Variants in CD47 observed in about 807,000 individuals in gnomAD.
The protein encoded by CD47 is CD47 molecule.
Under a neutral mutation model 44.6 loss-of-function variants are expected in CD47, and 11 were observed. That is an observed-to-expected ratio of 0.25 (90% CI 0.16 to 0.41). The LOEUF (loss-of-function observed/expected upper bound fraction) is 0.41, where lower values mean the gene tolerates loss of function less well. Ranked by LOEUF, CD47 falls within the 10% of genes least tolerant of loss-of-function variation. The pLI, the probability that CD47 is intolerant of heterozygous loss-of-function variation, is 1.00. For missense variants in CD47, 306 were observed against 386.7 expected (o/e 0.79, Z 1.75); for synonymous variants, 140 against 136.3 (o/e 1.03, Z -0.19).
At chr3:108,065,179 T>C (rs1239269048) in intron 3 of CD47, among the ~76,000 whole-genome samples, 1 of 152,232 alleles carries the variant, frequency 6.6e-6, no homozygotes, top group Non-Finnish European at 1.5e-5. Context: ...CATCAGTCTA[T>C]AGGACAGAGA....
At position 108,058,400 on chromosome 3, in the gene CD47, T is replaced by G; in HGVS notation, c.721A>C (p.Ile241Leu). ...TAGGCTATCACCTGAATAACCAATA[T>G]GGCAATGACGAAGGAGGTTAATCCA... ...AIGLTSFVIAILVIQVIAYIL... is the reference protein window; with the variant it reads ...AIGLTSFVIALLVIQVIAYIL... Residue 241 changes from isoleucine (I) to leucine (L), a missense_variant, in exon 6 of 11, where the codon ATA becomes CTA. Around this residue, in one of 5 missense-constraint regions of CD47, gnomAD observed 131 missense variants for 135.3 expected, o/e 0.97. Coordinates refer to ENST00000361309, the MANE Select transcript of CD47 (RefSeq NM_001777.4). 2 of 1,567,352 alleles carry G rather than the reference T, an allele frequency of 1.3e-6. No individual in the cohort carries two copies. Among genetic ancestry groups the G allele is most frequent in the Non-Finnish European group, 1.7e-6 (2 of 1,154,138 alleles).
intron 1 of CD47, among the ~76,000 whole-genome samples, chr3:108,081,705 G>A (rs1352681357): frequency 6.6e-6 from 1 of 151,858 alleles, no homozygotes; most frequent in Non-Finnish European, 1.5e-5. Context: ...AACAAACACC[G>A]GGCTACTTCA....
chr3:108,055,484 G>A (rs1463115104), intron 7 of CD47: 1 of 1,159,330 alleles, frequency 8.6e-7, no homozygotes, highest in Non-Finnish European at 1.2e-6. Flanking sequence ...GTTCCTCCTA[G>A]TCTACCATGT....
chr3:108,072,063 A>G (rs1451820107), intron 2 of CD47, among the ~76,000 whole-genome samples: 1 of 152,252 alleles, frequency 6.6e-6, no homozygotes. Flanking sequence ...AAGACTTCAA[A>G]TAAGATTTGT....
chr3:108,090,840 G>T, intron 1 of CD47, 23 bp downstream of exon 1: 2 of 1,484,330 alleles, frequency 1.3e-6, no homozygotes, highest in East Asian at 2.9e-5. Flanking sequence ...CAGCCGCAGG[G>T]CTGGGAGCGA....
intron 2 of CD47, 88 bp downstream of exon 2, chr3:108,079,903 G>T: frequency 4.0e-6 from 3 of 744,564 alleles, no homozygotes; most frequent in Non-Finnish European, 6.9e-6. Context: ...TGATTCAAAG[G>T]AGTACCTATC....
intron 8 of CD47, among the ~76,000 whole-genome samples, chr3:108,051,488 G>A (rs1004917737): frequency 6.6e-5 from 10 of 152,106 alleles, no homozygotes; most frequent in African/African-American, 1.9e-4. Flanking sequence ...TCATAACTCC[G>A]AACAGATGTT....
chr3:108,071,147 C>T lies in CD47; in HGVS notation c.436G>A (p.Val146Ile), dbSNP rs755372883. ...AGTATAGCAAAAATTGGGAAAATAA[C>T]AATAAGAATATTTTCATTTGGAGAA... Reference protein sequence around the residue: ...WFSPNENILIVIFPIFAILLF... With the variant: ...WFSPNENILIIIFPIFAILLF... Residue 146 changes from valine to isoleucine, a missense_variant, in exon 3 of 11, where the codon GTT becomes ATT. By Grantham distance (29) the Val-to-Ile change is conservative (BLOSUM62 3). This residue lies in a region of CD47 where 65 missense variants were observed against 119.9 expected (regional missense o/e 0.54). Coordinates refer to ENST00000361309, the MANE Select transcript of CD47 (RefSeq NM_001777.4). 8.6e-6 allele frequency: 13 copies of T among 1,503,700 alleles called. No individual in the cohort carries two copies. The highest frequency in any genetic ancestry group is 1.2e-5 in the Non-Finnish European group (13 of 1,098,308). The allele number at this position is 1,503,700 out of a possible 1,614,324, so 93.1% of individuals were successfully genotyped here.
chr3:108,090,938 CG>C lies in CD47; in HGVS notation c.-31del. The stretch of plus-strand genomic sequence containing the variant: ...GCGCCCGCCGCGGGGTCGCCGCCGC[CG>C]CCGCAGGTGTCCGGAGCAGCAGCCG... On this transcript the variant is annotated 5_prime_UTR_variant, in exon 1 of 11. Transcript: ENST00000361309. 1 of 1,453,594 alleles carries C rather than the reference CG, an allele frequency of 6.9e-7. No individual in the cohort carries two copies. The highest frequency in any genetic ancestry group is 9.1e-7 in the Non-Finnish European group (1 of 1,102,226). The allele number at this position is 1,453,594 out of a possible 1,614,324, so 90.0% of individuals were successfully genotyped here.
At chr3:108,070,135 T>C (rs1218070009) in intron 3 of CD47, among the ~76,000 whole-genome samples, 1 of 152,150 alleles carries the variant, frequency 6.6e-6, no homozygotes, top group Non-Finnish European at 1.5e-5. Flanking sequence ...TACACCACCA[T>C]AGATATAGAC....
In CD47 at chr3:108,068,389, C is replaced by G. The variant is rs371877373; in HGVS notation, c.490+2704G>C. The stretch of plus-strand genomic sequence containing the variant: ...TCACACCCACATTTCAGGCATGTAG[C>G]TTGGTGTCCAGCAATCAGTAGGCAC... On this transcript the variant is annotated intron_variant, in intron 3 of 10. Coordinates refer to ENST00000361309, the MANE Select transcript of CD47 (RefSeq NM_001777.4). 6.7e-4 allele frequency among the ~76,000 whole-genome samples: 102 copies of G among 152,222 alleles called. No individual in the cohort carries two copies. The South Asian group carries it at 0.02, about 31-fold the overall frequency.
Position 108,080,160 on chromosome 3 carries a change from G to T in CD47, c.231C>A (p.Val77=), listed in dbSNP as rs988785693. The T allele has an allele frequency of 2.0e-5, 32 of 1,613,020 alleles. No homozygotes were observed. The highest frequency in any genetic ancestry group is 2.7e-5 in the Non-Finnish European group (32 of 1,179,268). Residue 77 remains valine (V), a synonymous_variant, in exon 2 of 11, where the codon GTC becomes GTA. Transcript: ENST00000361309. ...TTTTTGCACTACTAAAGTCAGTGGG[G>T]ACAGTGGACTTGTTTAGAGCTCCAT... ...TFDGALNKST[V]PTDFSSAKIE...
intron 3 of CD47, among the ~76,000 whole-genome samples, chr3:108,067,756 C>G (rs2079129121): frequency 6.6e-6 from 1 of 152,154 alleles, no homozygotes; most frequent in Non-Finnish European, 1.5e-5. Flanking sequence ...CTGTAAGAGG[C>G]CTTTATCTTT....
chr3:108,052,964 T>G (rs1009691196), intron 7 of CD47: 1 of 152,410 alleles, frequency 6.6e-6, no homozygotes, highest in African/African-American at 2.4e-5. Flanking sequence ...CGAGACTCCA[T>G]CTCAAAAAAT....
intron 1 of CD47, among the ~76,000 whole-genome samples, chr3:108,082,461 C>G (rs571673480): frequency 1.3e-5 from 2 of 152,062 alleles, no homozygotes; most frequent in African/African-American, 4.8e-5. Context: ...TCTTGATTGC[C>G]TATAAATGTG....
intron 9 of CD47, among the ~76,000 whole-genome samples, chr3:108,050,030 A>T (rs932911959): frequency 2.6e-5 from 4 of 152,242 alleles, no homozygotes; most frequent in African/African-American, 9.6e-5. Flanking sequence ...CCTTGCCCAA[A>T]TATCACTTGG....
At chr3:108,086,353 T>G (rs2079521033) in intron 1 of CD47, among the ~76,000 whole-genome samples, 1 of 151,292 alleles carries the variant, frequency 6.6e-6, no homozygotes, top group South Asian at 2.1e-4. Flanking sequence ...ATAGTCCAGG[T>G]AAAGAACAAC....
intron 1 of CD47, among the ~76,000 whole-genome samples, chr3:108,085,708 T>C (rs1347415544): frequency 6.6e-6 from 1 of 152,166 alleles, no homozygotes; most frequent in Non-Finnish European, 1.5e-5. Flanking sequence ...CTGTCTTCAT[T>C]TGGTATCCTA....
Position 108,090,900 on chromosome 3 carries a change from G to A in CD47, c.9C>T (p.Pro3=), listed in dbSNP as rs933373209. MW[P]LVAALLLGSA... ...AGCCCAGCAACAGCGCCGCTACCAG[G>A]GGCCACATCTCCGCGCCCGCCGCGG... The change falls in exon 1 of 11, where the codon CCC becomes CCT. Residue 3 remains proline (P), a synonymous_variant. Transcript: ENST00000361309. 18 of 1,481,722 alleles carry A rather than the reference G, an allele frequency of 1.2e-5. No individual in the cohort carries two copies. The highest frequency in any genetic ancestry group is 1.5e-5 in the Non-Finnish European group (17 of 1,121,502). The allele number at this position is 1,481,722 out of a possible 1,614,324, so 91.8% of individuals were successfully genotyped here.
Sources: allele counts gnomAD v4.1 joint callset (sites outside exome capture counted in the v4.1 genomes callset), GRCh38; gene constraint gnomAD v4.1.1; regional missense constraint gnomAD v4.1.1; transcripts MANE v1.5; gene names NCBI Gene and HGNC (gene_info 2026-07-23, HGNC 2026-07-21).